SDK1: variants seen among roughly 807,000 people sequenced by gnomAD.
The protein encoded by SDK1 is sidekick cell adhesion molecule 1, also known as protein sidekick-1.
In SDK1, 157 loss-of-function variants were observed where a neutral mutation model predicts 245.5. The ratio of observed to expected loss-of-function variants is 0.64; its 90% CI spans 0.56 to 0.73. The LOEUF (loss-of-function observed/expected upper bound fraction) is 0.73, where lower values mean the gene tolerates loss of function less well. SDK1 is among the 30% of genes least tolerant of loss of function. The pLI is 0.00. For synonymous variants in SDK1, 1,647 were observed against 1,278.5 expected, an observed-to-expected ratio of 1.29 and a Z score of -6.15; for missense variants, 3,583 against 3,002.3, an observed-to-expected ratio of 1.19 and a Z score of -4.52.
chr7:3,492,954 A>T (rs1445876471), intron 1 of SDK1, among the ~76,000 whole-genome samples: 1 of 151,828 alleles, frequency 6.6e-6, no homozygotes, highest in Non-Finnish European at 1.5e-5. Context: ...TTATTTTTTT[A>T]TTTTTCTATT....
chr7:3,462,395 G>A (rs1353651384), intron 1 of SDK1, among the ~76,000 whole-genome samples: 3 of 152,030 alleles, frequency 2.0e-5, no homozygotes, highest in Non-Finnish European at 4.4e-5. Flanking sequence ...TTGAATGTTA[G>A]CATTTCCCAA....
intron 1 of SDK1, among the ~76,000 whole-genome samples, chr7:3,457,164 T>A (rs1352567207): frequency 6.6e-6 from 1 of 152,132 alleles, no homozygotes; most frequent in Non-Finnish European, 1.5e-5. Flanking sequence ...GGGATTCTGT[T>A]TGGTCCGGGC....
At chr7:3,733,500 C>A (rs2115043426) in intron 4 of SDK1, among the ~76,000 whole-genome samples, 1 of 152,314 alleles carries the variant, frequency 6.6e-6, no homozygotes. Flanking sequence ...AGTTGCCCTG[C>A]TCTGGAGGTC....
At chr7:3,573,093 G>C (rs1043458296) in intron 1 of SDK1, among the ~76,000 whole-genome samples, 3 of 152,062 alleles carry the variant, frequency 2.0e-5, no homozygotes, top group African/African-American at 7.2e-5. Flanking sequence ...CCCTCAGTTT[G>C]CTATGAAAAT....
rs542321264 is a variant in SDK1, at chr7:3,378,000, A to G, written c.298+76116A>G. Among the ~76,000 whole-genome samples the G allele has an allele frequency of 1.5e-4, 23 of 152,070 alleles. No individual in the cohort carries two copies. In the South Asian group the frequency reaches 4.6e-3, roughly 30 times the overall value. On this transcript the variant is annotated intron_variant, in intron 1 of 44. Coordinates refer to ENST00000404826, the MANE Select transcript of SDK1 (RefSeq NM_152744.4). ...CACCATGTTGGCCAGGCTGGTCTTG[A>G]ACTCCTGGGCTCAAGTGATCCGCCT...
chr7:3,326,016 T>A (rs1287727380), intron 1 of SDK1, among the ~76,000 whole-genome samples: 1 of 152,198 alleles, frequency 6.6e-6, no homozygotes, highest in Non-Finnish European at 1.5e-5. Context: ...TACTTAGCTG[T>A]ACCTATCTAT....
intron 41 of SDK1, among the ~76,000 whole-genome samples, chr7:4,234,870 G>A (rs2128236371): frequency 6.6e-6 from 1 of 152,318 alleles, no homozygotes; most frequent in East Asian, 1.9e-4. Context: ...CCTCGGCGTT[G>A]GGGCAGCAGA....
intron 7 of SDK1, among the ~76,000 whole-genome samples, chr7:3,953,058 C>T (rs569240315): frequency 6.6e-6 from 1 of 151,796 alleles, no homozygotes; most frequent in Non-Finnish European, 1.5e-5. Flanking sequence ...TCTCGACTTC[C>T]TCTCTCCTCT....
chr7:3,625,368 C>A (rs1350210142), intron 2 of SDK1, among the ~76,000 whole-genome samples: 1 of 152,164 alleles, frequency 6.6e-6, no homozygotes, highest in Non-Finnish European at 1.5e-5. Context: ...AGGTAAGCAA[C>A]AAACTGGGAC....
At chr7:3,956,470 G>A (rs1363395847) in intron 7 of SDK1, among the ~76,000 whole-genome samples, 7 of 152,170 alleles carry the variant, frequency 4.6e-5, no homozygotes, top group South Asian at 2.1e-4. Flanking sequence ...AAGTACTAAG[G>A]GAAGCTCAGA....
chr7:3,798,005 A>G (rs1401108703), intron 4 of SDK1, among the ~76,000 whole-genome samples: 4 of 152,092 alleles, frequency 2.6e-5, no homozygotes. Flanking sequence ...CTGTAATGTT[A>G]ACATCTTACA....
At chr7:3,690,320 A>G (rs1784408748) in intron 4 of SDK1, among the ~76,000 whole-genome samples, 1 of 152,032 alleles carries the variant, frequency 6.6e-6, no homozygotes, top group Non-Finnish European at 1.5e-5. Context: ...ATTTTTTTTT[A>G]CTGTAACTAG....
chr7:3,689,151 T>G (rs1180457788), intron 4 of SDK1, among the ~76,000 whole-genome samples: 1 of 152,202 alleles, frequency 6.6e-6, no homozygotes. Context: ...CCCTAACTGT[T>G]TGCTATCTGG....
At chr7:3,967,216 C>T (rs984987858) in intron 9 of SDK1, 102 bp from the exon 10 acceptor site, 2 of 849,200 alleles carry the variant, frequency 2.4e-6, no homozygotes, top group African/African-American at 1.7e-5. Flanking sequence ...CTACAGTTAC[C>T]TCTGTGATTG....
chr7:3,778,164 T>C (rs1190656511), intron 4 of SDK1, among the ~76,000 whole-genome samples: 1 of 152,192 alleles, frequency 6.6e-6, no homozygotes, highest in African/African-American at 2.4e-5. Flanking sequence ...GTGTATAAAA[T>C]GAAAGTCTTC....
intron 1 of SDK1, among the ~76,000 whole-genome samples, chr7:3,326,116 T>C (rs1779934664): frequency 6.6e-6 from 1 of 152,136 alleles, no homozygotes; most frequent in Non-Finnish European, 1.5e-5. Flanking sequence ...CCTAATGGCT[T>C]AGTGTTTATA....
At chr7:3,755,342 G>A (rs545865979) in intron 4 of SDK1, among the ~76,000 whole-genome samples, 5 of 152,212 alleles carry the variant, frequency 3.3e-5, no homozygotes, top group East Asian at 3.9e-4. Context: ...CTGACTGTTC[G>A]GTGCCCATGA....
chr7:4,105,672 G>A (rs1020780385), intron 22 of SDK1, among the ~76,000 whole-genome samples: 2 of 152,190 alleles, frequency 1.3e-5, no homozygotes, highest in African/African-American at 4.8e-5. Context: ...CTCTGAAGAG[G>A]GTATAGGAGT....
chr7:3,780,246 GT>G (rs1780691293), intron 4 of SDK1, among the ~76,000 whole-genome samples: 1 of 152,198 alleles, frequency 6.6e-6, no homozygotes, highest in Admixed American at 6.5e-5. Flanking sequence ...TGGACCAACA[GT>G]TTCTGCCACA....
Sources: gnomAD v4.1 joint callset for allele counts (sites outside exome capture counted in the v4.1 genomes callset) on GRCh38, gnomAD v4.1.1 for gene constraint, MANE v1.5 for transcripts, NCBI Gene and HGNC (gene_info 2026-07-23, HGNC 2026-07-21) for gene names.